The following SLC35F3 variants were observed in gnomAD, a reference collection of about 807,000 sequenced individuals.
The protein encoded by SLC35F3 is solute carrier family 35 member F3, also known as putative thiamine transporter SLC35F3.
A neutral mutation model predicts 49.9 loss-of-function variants in SLC35F3; 25 were observed. The ratio of observed to expected loss-of-function variants is 0.50; its 90% CI spans 0.37 to 0.70. SLC35F3 has a LOEUF of 0.70. Among genes scored for constraint, SLC35F3 ranks in the 30% least tolerant of loss-of-function variants. The probability of loss-of-function intolerance (pLI) is 0.00; values close to 1 mark genes in which losing one functional copy is unlikely to be tolerated. For synonymous variants in SLC35F3, 275 were observed against 265.4 expected (o/e 1.04, Z -0.35); for missense variants, 525 against 639.8 (o/e 0.82, Z 1.94).
chr1:234,010,696 T>TC (rs978372628), intron 2 of SLC35F3, among the ~76,000 whole-genome samples: 31 of 152,128 alleles, frequency 2.0e-4, no homozygotes, highest in African/African-American at 7.0e-4. Context: ...TTCCTTTAGA[T>TC]CCTTGAATAT....
intron 2 of SLC35F3, among the ~76,000 whole-genome samples, chr1:234,040,187 G>A (rs931526021): frequency 1.3e-5 from 2 of 152,094 alleles, no homozygotes; most frequent in African/African-American, 4.8e-5. Context: ...TTGCCTCTCC[G>A]CCTCTCTCCT....
intron 2 of SLC35F3, among the ~76,000 whole-genome samples, chr1:233,913,165 G>T (rs1661910359): frequency 6.6e-6 from 1 of 152,180 alleles, no homozygotes; most frequent in Admixed American, 6.5e-5. Context: ...AAATAGAGGG[G>T]AGGTTTGCAT....
chr1:234,159,758 T>G (rs1231413705), intron 2 of SLC35F3, among the ~76,000 whole-genome samples: 3 of 152,186 alleles, frequency 2.0e-5, no homozygotes, highest in African/African-American at 7.2e-5. Flanking sequence ...AGGCAAGGGA[T>G]TCATCCATGC....
At chr1:234,226,951 G>A (rs936678841) in intron 2 of SLC35F3, among the ~76,000 whole-genome samples, 126 of 130,480 alleles carry the variant, frequency 9.7e-4, no homozygotes, top group Admixed American at 2.6e-3. Context: ...ACTGGCGTGC[G>A]CGCACGCGTG....
intron 2 of SLC35F3, among the ~76,000 whole-genome samples, chr1:233,933,919 G>C (rs1055762246): frequency 2.0e-5 from 3 of 152,176 alleles, no homozygotes; most frequent in Admixed American, 6.5e-5. Context: ...ATGTTGCAGA[G>C]GAGGGACTCT....
intron 2 of SLC35F3, among the ~76,000 whole-genome samples, chr1:234,200,697 T>C (rs1202702495): frequency 6.6e-6 from 1 of 152,212 alleles, no homozygotes; most frequent in African/African-American, 2.4e-5. Context: ...CTGAATCTTG[T>C]CCAAAGTTTA....
chr1:234,184,913 G>T (rs538805344), intron 2 of SLC35F3, among the ~76,000 whole-genome samples: 1 of 152,292 alleles, frequency 6.6e-6, no homozygotes, highest in East Asian at 1.9e-4. Context: ...CCTGCCCCCA[G>T]AGAGACTCAC....
At chr1:233,922,486 C>CTTTTTTTTTTTTTTTTTTTTT (rs35271789) in intron 2 of SLC35F3, among the ~76,000 whole-genome samples, 1 of 112,340 alleles carries the variant, frequency 8.9e-6, no homozygotes, top group Non-Finnish European at 1.8e-5. Flanking sequence ...TTTTGATGGC[C>CTTTTTTTTTTTTTTTTTTTTT]TTTTTTTTTT....
chr1:234,172,310 T>A (rs1666410944), intron 2 of SLC35F3, among the ~76,000 whole-genome samples: 1 of 152,202 alleles, frequency 6.6e-6, no homozygotes, highest in Non-Finnish European at 1.5e-5. Context: ...CTTGGCTCAC[T>A]GCAACCTCCA....
chr1:234,050,659 A>C (rs1230615946), intron 2 of SLC35F3, among the ~76,000 whole-genome samples: 1 of 152,158 alleles, frequency 6.6e-6, no homozygotes, highest in African/African-American at 2.4e-5. Context: ...CCATTTATCA[A>C]TTTTGGCTTT....
At chr1:233,937,725 G>A (rs1662357136) in intron 2 of SLC35F3, among the ~76,000 whole-genome samples, 1 of 152,182 alleles carries the variant, frequency 6.6e-6, no homozygotes, top group Non-Finnish European at 1.5e-5. Context: ...GCATTGCCTG[G>A]TTAGGAAGCT....
intron 2 of SLC35F3, among the ~76,000 whole-genome samples, chr1:234,138,344 G>A (rs1159004098): frequency 2.0e-5 from 3 of 152,018 alleles, no homozygotes; most frequent in Admixed American, 6.6e-5. Flanking sequence ...GGGGCTTCTC[G>A]GTTTCCACCA....
At chr1:234,108,554 T>G (rs1665333113) in intron 2 of SLC35F3, among the ~76,000 whole-genome samples, 1 of 112,400 alleles carries the variant, frequency 8.9e-6, no homozygotes, top group African/African-American at 3.4e-5. Flanking sequence ...ATTATTTATA[T>G]ATAAAAGATA....
intron 2 of SLC35F3, among the ~76,000 whole-genome samples, chr1:234,004,575 A>G (rs1663602559): frequency 1.1e-5 from 1 of 89,386 alleles, no homozygotes; most frequent in Non-Finnish European, 2.7e-5. Flanking sequence ...TAAGGAAAAT[A>G]GACTCTGTAT....
chr1:234,255,773 G>A (rs1403688574), intron 3 of SLC35F3, among the ~76,000 whole-genome samples: 1 of 152,216 alleles, frequency 6.6e-6, no homozygotes, highest in East Asian at 1.9e-4. Context: ...GGTTGGGGAT[G>A]AAGGGATGAA....
chr1:234,092,728 A>G (rs374172564), intron 2 of SLC35F3, among the ~76,000 whole-genome samples: 1 of 152,100 alleles, frequency 6.6e-6, no homozygotes, highest in African/African-American at 2.4e-5. Context: ...TTAGCTGGGC[A>G]TGGTTGGTGC....
At chr1:234,267,665 G>A (rs542216911) in intron 3 of SLC35F3, among the ~76,000 whole-genome samples, 15 of 151,708 alleles carry the variant, frequency 9.9e-5, no homozygotes, top group Admixed American at 7.2e-4. Context: ...CGGACGGGGC[G>A]GCTGCCGGGC....
At chr1:234,066,860 A>T (rs1260545981) in intron 2 of SLC35F3, among the ~76,000 whole-genome samples, 7 of 150,686 alleles carry the variant, frequency 4.6e-5, no homozygotes, top group Admixed American at 4.6e-4. Context: ...ACACACACAC[A>T]CACACACACA....
At chr1:234,215,032 G>A (rs1405276568) in intron 2 of SLC35F3, 1 of 156,558 alleles carries the variant, frequency 6.4e-6, no homozygotes, top group Admixed American at 6.5e-5. Context: ...GGTAGAGGCG[G>A]GAGAGGGCTG....
Sources: gnomAD v4.1 joint callset for allele counts (sites outside exome capture counted in the v4.1 genomes callset) on GRCh38, gnomAD v4.1.1 for gene constraint, MANE v1.5 for transcripts, NCBI Gene and HGNC (gene_info 2026-07-23, HGNC 2026-07-21) for gene names.